The following BCKDK variants were observed in gnomAD, a reference collection of about 807,000 sequenced individuals.
The protein encoded by BCKDK is branched-chain alpha-ketoacid dehydrogenase kinase.
Under a neutral mutation model 43.9 loss-of-function variants are expected in BCKDK, and 28 were observed. That is an observed-to-expected ratio of 0.64 (90% CI 0.47 to 0.87). BCKDK has a LOEUF of 0.87. Ranked by LOEUF, BCKDK falls within the 40% of genes least tolerant of loss-of-function variation. BCKDK has a pLI of 0.00. For synonymous variants in BCKDK, 257 were observed against 234.3 expected (o/e 1.10, Z -0.88); for missense variants, 483 against 581.4 (o/e 0.83, Z 1.74).
chr16:31,109,547 G>T lies in BCKDK; in HGVS notation c.232G>T (p.Ala78Ser). The T allele has an allele frequency of 1.2e-6, 2 of 1,614,066 alleles. No homozygotes were observed. The highest frequency in any genetic ancestry group is 1.7e-6 in the Non-Finnish European group (2 of 1,180,024). ...CCTAACGCCCACCATGATGCTCTAC[G>T]CTGGCCGCTCTCAGGACGGCAGCCA... Reference protein sequence around the residue: ...VRLTPTMMLYAGRSQDGSHLL... With the variant: ...VRLTPTMMLYSGRSQDGSHLL... Residue 78 changes from alanine (A) to serine (S), a missense_variant, in exon 3 of 12, where the codon GCT becomes TCT. By Grantham distance (99) the Ala-to-Ser change is moderately conservative. Transcript: ENST00000219794. This position sits in a 1 kb window ranked among gnomAD's most constrained non-coding sequence, Gnocchi z 5.3.
At position 31,109,456 on chromosome 16, in the gene BCKDK, A is replaced by C; in HGVS notation, c.195+38A>C. The C allele has an allele frequency of 6.2e-7, 1 of 1,613,362 alleles. No individual in the cohort carries two copies. On this transcript the variant is annotated intron_variant, in intron 2 of 11. Transcript: ENST00000219794. The surrounding 1 kb of genome is among the most constrained non-coding windows in gnomAD (Gnocchi z 5.3). Reference sequence around the variant, plus strand: ...GCAGCCAGCCCAGGGTCCGGGATGTAGGCGGGAGGGAGAGTGTTGGGGGTT... The same window carrying C: ...GCAGCCAGCCCAGGGTCCGGGATGTCGGCGGGAGGGAGAGTGTTGGGGGTT...
In BCKDK at chr16:31,109,273, T is replaced by G. The variant is rs774273559; in HGVS notation, c.50T>G (p.Leu17Arg). ...LRSGPGGGLP[L>R]RPLLGPALAL... ...AGCGGTCCCGGGGGCGGGCTTCCGCTCCGGCCCCTCCTGGGACCCGCACTC... is the reference window on the plus strand; with the variant it reads ...AGCGGTCCCGGGGGCGGGCTTCCGCGCCGGCCCCTCCTGGGACCCGCACTC... The change falls in exon 2 of 12, where the codon CTC (leucine) becomes CGC (arginine). Residue 17 changes from leucine to arginine, a missense_variant. By Grantham distance (102) the Leu-to-Arg change is moderately radical. Transcript: ENST00000219794. The surrounding 1 kb of genome is among the most constrained non-coding windows in gnomAD (Gnocchi z 5.3). 1.3e-6 allele frequency: 2 copies of G among 1,583,972 alleles called. No homozygotes were observed. Among genetic ancestry groups the G allele is most frequent in the Admixed American group, 3.6e-5 (2 of 56,252 alleles).
rs1162816931 is a variant in BCKDK at position 31,110,087 on chromosome 16, A to G, written c.386A>G (p.Tyr129Cys). The change falls in exon 5 of 12, where the codon TAT becomes TGT. Residue 129 changes from tyrosine (Y) to cysteine (C), a missense_variant. Tyr to Cys is a radical substitution (Grantham distance 194). Transcript: ENST00000219794. The surrounding 1 kb of genome is among the most constrained non-coding windows in gnomAD (Gnocchi z 5.4). ...NPTILHVHELYIRAFQKLTDF... is the reference protein window; with the variant it reads ...NPTILHVHELCIRAFQKLTDF... ...ACCTCTTCCTTGCAGCATGAGCTAT[A>G]TATCCGTGCCTTCCAGAAGCTGACA... is the stretch of plus-strand genomic sequence containing the variant. 1 of 1,614,032 alleles carries G rather than the reference A, an allele frequency of 6.2e-7. No homozygotes were observed. Among genetic ancestry groups the G allele is most frequent in the East Asian group, 2.2e-5 (1 of 44,896 alleles).
Position 31,109,371 on chromosome 16 carries a change from G to A in BCKDK, c.148G>A (p.Val50Ile). 1.2e-6 allele frequency: 2 copies of A among 1,608,502 alleles called. No homozygotes were observed. The highest frequency in any genetic ancestry group is 2.2e-5 in the East Asian group (1 of 44,762). The change falls in exon 2 of 12, where the codon GTC becomes ATC. Residue 50 changes from valine (V) to isoleucine (I), a missense_variant. By Grantham distance (29) the Val-to-Ile change is conservative. Coordinates refer to ENST00000219794, the MANE Select transcript of BCKDK (RefSeq NM_005881.4). This position sits in a 1 kb window ranked among gnomAD's most constrained non-coding sequence, Gnocchi z 5.3. ...GATGGCTCGGGAGCGCTCCAAGACC[G>A]TCACCTCCTTTTACAACCAGTCGGC... ...VEMARERSKTVTSFYNQSAID... is the reference protein window; with the variant it reads ...VEMARERSKTITSFYNQSAID...
rs777785417 is a variant in BCKDK, at chr16:31,112,153, A to G, written c.1127A>G (p.Tyr376Cys). ...TTCGGGTTGCCCACGTCACGGGCCT[A>G]CGCGGAGTACCTCGGTGGGTCTCTG... The part of the protein sequence containing the change: ...FGFGLPTSRA[Y>C]AEYLGGSLQL... Residue 376 changes from tyrosine (Y) to cysteine (C), a missense_variant, in exon 12 of 12, where the codon TAC (tyrosine) becomes TGC (cysteine). Coordinates refer to ENST00000219794, the MANE Select transcript of BCKDK (RefSeq NM_005881.4). The surrounding 1 kb of genome is among the most constrained non-coding windows in gnomAD (Gnocchi z 5.0). 1 of 1,613,614 alleles carries G rather than the reference A, an allele frequency of 6.2e-7. No individual in the cohort carries two copies. Among genetic ancestry groups the G allele is most frequent in the Non-Finnish European group, 8.5e-7 (1 of 1,179,942 alleles).
chr16:31,109,367 G>T lies in BCKDK; in HGVS notation c.144G>T (p.Lys48Asn), dbSNP rs780169198. Residue 48 changes from lysine (K) to asparagine (N), a missense_variant, in exon 2 of 12, where the codon AAG becomes AAT. Physicochemically the swap from Lys to Asn is moderately conservative, Grantham distance 94. Transcript: ENST00000219794. The surrounding 1 kb of genome is among the most constrained non-coding windows in gnomAD (Gnocchi z 5.3). ...TGGAGATGGCTCGGGAGCGCTCCAAGACCGTCACCTCCTTTTACAACCAGT... is the reference window on the plus strand; with the variant it reads ...TGGAGATGGCTCGGGAGCGCTCCAATACCGTCACCTCCTTTTACAACCAGT... ...HHVEMARERS[K>N]TVTSFYNQSA... 6.2e-7 allele frequency: 1 copy of T among 1,609,580 alleles called. No individual in the cohort carries two copies. Among genetic ancestry groups the T allele is most frequent in the Non-Finnish European group, 8.5e-7 (1 of 1,177,474 alleles).
downstream of BCKDK, among the ~76,000 whole-genome samples, chr16:31,116,941 G>GGGGGT (rs2057450533): frequency 9.7e-6 from 1 of 103,486 alleles, no homozygotes; most frequent in East Asian, 4.4e-4. Flanking sequence ...GGGGGGGGCG[G>GGGGGT]GGAGCGACAT....
At chr16:31,115,579 T>G (rs1222291233), downstream of BCKDK, among the ~76,000 whole-genome samples, 3 of 151,526 alleles carry the variant, frequency 2.0e-5, no homozygotes, top group African/African-American at 7.3e-5. Flanking sequence ...CAAGCTGGAG[T>G]GCAGTGGAGG....
downstream of BCKDK, chr16:31,117,369 A>AAAATAATTAAAT: frequency 6.9e-6 from 1 of 145,508 alleles, no homozygotes; most frequent in Non-Finnish European, 1.5e-5. Flanking sequence ...ATTCCGTCTC[A>AAAATAATTAAAT]AAATAAATAA....
chr16:31,112,329 G>A lies in BCKDK; in HGVS notation c.*64G>A, dbSNP rs746711561. ...CCGCATTCCCTGCAGGACCTCCCGG[G>A]TCAGGCAGGGCGGCCCCCTGCTCCA... On this transcript the variant is annotated 3_prime_UTR_variant, in exon 12 of 12. Transcript: ENST00000219794. This position sits in a 1 kb window ranked among gnomAD's most constrained non-coding sequence, Gnocchi z 5.0. 1.3e-6 allele frequency: 2 copies of A among 1,598,468 alleles called. No individual in the cohort carries two copies. The highest frequency in any genetic ancestry group is 1.7e-6 in the Non-Finnish European group (2 of 1,178,856).
chr16:31,109,673 A>T lies in BCKDK; in HGVS notation c.265A>T (p.Lys89Ter). The T allele has an allele frequency of 6.2e-7, 1 of 1,614,022 alleles. No individual in the cohort carries two copies. Among genetic ancestry groups the T allele is most frequent in the Non-Finnish European group, 8.5e-7 (1 of 1,180,004 alleles). Residue 89 changes from lysine to a stop codon, truncating the protein, a stop_gained and splice_region_variant, in exon 4 of 12, where the codon AAA becomes TAA. Coordinates refer to ENST00000219794, the MANE Select transcript of BCKDK (RefSeq NM_005881.4). LOFTEE classifies it high-confidence loss of function. This position sits in a 1 kb window ranked among gnomAD's most constrained non-coding sequence, Gnocchi z 5.3. ...GRSQDGSHLL[K>*]SARYLQQELP... ...GCCTTCCCTTCTCATTTTCTCCCAG[A>T]AAAGTGCTCGGTACCTGCAGCAAGA...
At chr16:31,117,005 G>C (rs1238502188), downstream of BCKDK, among the ~76,000 whole-genome samples, 1 of 151,274 alleles carries the variant, frequency 6.6e-6, no homozygotes, top group African/African-American at 2.4e-5. Flanking sequence ...CTCTGGCTCT[G>C]CCCTGTTAAA....
In BCKDK at chr16:31,112,765, C is replaced by CA; in HGVS notation, c.*503dup. On this transcript the variant is annotated 3_prime_UTR_variant, in exon 12 of 12. Coordinates refer to ENST00000219794, the MANE Select transcript of BCKDK (RefSeq NM_005881.4). This position sits in a 1 kb window ranked among gnomAD's most constrained non-coding sequence, Gnocchi z 5.0. ...AGTGGGATGACTGCAGCACCTTATA[C>CA]AAAGAGCTTTCATTCATCTTGTTGA... is the stretch of plus-strand genomic sequence containing the variant. The CA allele has an allele frequency of 4.2e-6, 1 of 236,632 alleles. No individual in the cohort carries two copies. The highest frequency in any genetic ancestry group is 5.1e-5 in the South Asian group (1 of 19,716). 14.7% of individuals were successfully genotyped at this position (236,632 alleles called of 1,614,324 possible). A position where few individuals can be genotyped will look rare whatever the true frequency, so the allele number is the denominator to read the frequency against.
chr16:31,114,884 T>C (rs1415275339), downstream of BCKDK, among the ~76,000 whole-genome samples: 1 of 148,394 alleles, frequency 6.7e-6, no homozygotes, highest in African/African-American at 2.6e-5. Flanking sequence ...CCTTACAATA[T>C]TTCCTTTCCT....
Position 31,110,155 on chromosome 16 carries a change from C to A in BCKDK, c.423+31C>A. The A allele has an allele frequency of 6.2e-7, 1 of 1,614,182 alleles. No individual in the cohort carries two copies. Among genetic ancestry groups the A allele is most frequent in the Non-Finnish European group, 8.5e-7 (1 of 1,180,028 alleles). On this transcript the variant is annotated intron_variant, in intron 5 of 11. Transcript: ENST00000219794. The surrounding 1 kb of genome is among the most constrained non-coding windows in gnomAD (Gnocchi z 5.4). Reference sequence around the variant, plus strand: ...TGCTGGGCCAGAGCAGGGTGAGGGGCTGAGAGGTTGGGCTTGGACCACCCT... The same window carrying A: ...TGCTGGGCCAGAGCAGGGTGAGGGGATGAGAGGTTGGGCTTGGACCACCCT...
chr16:31,113,045 A>T (rs939437539), downstream of BCKDK, among the ~76,000 whole-genome samples: 1 of 152,238 alleles, frequency 6.6e-6, no homozygotes, highest in Non-Finnish European at 1.5e-5. Context: ...CTGCAAGGAA[A>T]GGTGGGGCCC....
chr16:31,113,856 G>A (rs1359703852), downstream of BCKDK, among the ~76,000 whole-genome samples: 4 of 152,078 alleles, frequency 2.6e-5, no homozygotes, highest in Non-Finnish European at 5.9e-5. Flanking sequence ...TCTTAAGAAA[G>A]TGCTCCCAGA....
chr16:31,110,925 A>G lies in BCKDK; in HGVS notation c.716+164A>G. ...CTTTGTCACAGGGGCTGCCCCGTGC[A>G]CGTTAGGAAGTTCAGCAGCATCCCT... On this transcript the variant is annotated intron_variant, in intron 8 of 11. Coordinates refer to ENST00000219794, the MANE Select transcript of BCKDK (RefSeq NM_005881.4). This position sits in a 1 kb window ranked among gnomAD's most constrained non-coding sequence, Gnocchi z 5.4. 7.5e-7 allele frequency: 1 copy of G among 1,337,118 alleles called. No individual in the cohort carries two copies. Among genetic ancestry groups the G allele is most frequent in the Non-Finnish European group, 1.0e-6 (1 of 964,784 alleles). 82.8% of individuals were successfully genotyped at this position (1,337,118 alleles called of 1,614,324 possible). A position where few individuals can be genotyped will look rare whatever the true frequency, so the allele number is the denominator to read the frequency against.
At position 31,112,784 on chromosome 16, in the gene BCKDK, T is replaced by C. The variant is rs1291599740; in HGVS notation, c.*519T>C. 4.6e-6 allele frequency: 1 copy of C among 217,634 alleles called. No homozygotes were observed. The highest frequency in any genetic ancestry group is 9.4e-6 in the Non-Finnish European group (1 of 105,940). 13.5% of individuals were successfully genotyped at this position (217,634 alleles called of 1,614,324 possible). A position where few individuals can be genotyped will look rare whatever the true frequency, so the allele number is the denominator to read the frequency against. On this transcript the variant is annotated 3_prime_UTR_variant, in exon 12 of 12. Transcript: ENST00000219794. The surrounding 1 kb of genome is among the most constrained non-coding windows in gnomAD (Gnocchi z 5.0). ...CTTATACAAAGAGCTTTCATTCATC[T>C]TGTTGAACAAATGTTTCCGGGTCCC...
Sources: gnomAD v4.1 joint callset for allele counts (sites outside exome capture counted in the v4.1 genomes callset) on GRCh38, gnomAD v4.1.1 for gene constraint, Gnocchi (gnomAD v3.1) non-coding constraint, MANE v1.5 for transcripts, NCBI Gene and HGNC (gene_info 2026-07-23, HGNC 2026-07-21) for gene names.